Variants in CELSR1 observed in about 807,000 individuals in gnomAD.
The protein encoded by CELSR1 is cadherin EGF LAG seven-pass G-type receptor 1, also known as adhesion G protein-coupled receptor C1.
CELSR1 carries 110 observed loss-of-function variants against 249.1 expected under a neutral mutation model. That is an observed-to-expected ratio of 0.44 (90% CI 0.38 to 0.52). The LOEUF is 0.52. Among genes scored for constraint, CELSR1 ranks in the 20% least tolerant of loss-of-function variants. The pLI is 0.00. For synonymous variants in CELSR1, 2,113 were observed against 1,900.0 expected, an observed-to-expected ratio of 1.11 and a Z score of -2.92; for missense variants, 4,109 against 4,296.4, an observed-to-expected ratio of 0.96 and a Z score of 1.22.
Position 46,391,558 on chromosome 22 carries a change from T to G in CELSR1, c.6148+75A>C. On this transcript the variant is annotated intron_variant, in intron 15 of 34. Transcript: ENST00000674500. The surrounding 1 kb of genome is among the most constrained non-coding windows in gnomAD (Gnocchi z 4.3). The stretch of plus-strand genomic sequence containing the variant: ...GGGTCCCCCAAACACCCAGCGTGCA[T>G]GCACACACGTGCACGCCAGTGCAGC... 1.4e-6 allele frequency: 2 copies of G among 1,448,512 alleles called. No individual in the cohort carries two copies. The highest frequency in any genetic ancestry group is 1.4e-5 in the South Asian group (1 of 70,458). The allele number at this position is 1,448,512 out of a possible 1,614,324, so 89.7% of individuals were successfully genotyped here. A position where few individuals can be genotyped will look rare whatever the true frequency, so the allele number is the denominator to read the frequency against.
rs762168408 is a variant in CELSR1, at chr22:46,378,616, A to G, written c.7358T>C (p.Val2453Ala). 6.3e-7 allele frequency: 1 copy of G among 1,590,618 alleles called. No individual in the cohort carries two copies. Among genetic ancestry groups the G allele is most frequent in the Non-Finnish European group, 8.6e-7 (1 of 1,169,500 alleles). ...CTCACGCCTGGAGATATCCATGAGC[A>G]CCGCAAAGCTGGCTGTGTGGCTGCA... ...CQCSHTASFA[V>A]LMDISRRENG... The change falls in exon 23 of 35, where the codon GTG becomes GCG. Residue 2453 changes from valine (V) to alanine (A), a missense_variant. Around this residue, in one of 7 missense-constraint regions of CELSR1, gnomAD observed 1,805 missense variants for 1,831.6 expected, o/e 0.99. Coordinates refer to ENST00000674500, the MANE Select transcript of CELSR1 (RefSeq NM_001378328.1).
At chr22:46,378,170 C>T (rs759127007) in intron 23 of CELSR1, among the ~76,000 whole-genome samples, 1 of 152,206 alleles carries the variant, frequency 6.6e-6, no homozygotes, top group African/African-American at 2.4e-5. Flanking sequence ...CGTGTGGCCC[C>T]GAGGGAGAGC....
In CELSR1 at chr22:46,534,213, C is replaced by G. The variant is rs1462322990; in HGVS notation, c.2958G>C (p.Gln986His). Reference protein sequence around the residue: ...PTPLSASVEIQVTILDINDNA... With the variant: ...PTPLSASVEIHVTILDINDNA... ...TGTCATTAATGTCCAAGATGGTCACCTGGATTTCTACCGAGGCGCTAAGGG... is the reference window on the plus strand; with the variant it reads ...TGTCATTAATGTCCAAGATGGTCACGTGGATTTCTACCGAGGCGCTAAGGG... Residue 986 changes from glutamine to histidine, a missense_variant, in exon 1 of 35, where the codon CAG becomes CAC. By Grantham distance (24) the Gln-to-His change is conservative. This residue lies in a region of CELSR1 where 886 missense variants were observed against 896.5 expected (regional missense o/e 0.99). Coordinates refer to ENST00000674500, the MANE Select transcript of CELSR1 (RefSeq NM_001378328.1). This position sits in a 1 kb window ranked among gnomAD's most constrained non-coding sequence, Gnocchi z 9.7. 1.2e-6 allele frequency: 2 copies of G among 1,613,718 alleles called. No individual in the cohort carries two copies. Among genetic ancestry groups the G allele is most frequent in the African/African-American group, 2.7e-5 (2 of 74,932 alleles).
At chr22:46,419,451 G>A (rs1225393695) in intron 5 of CELSR1, among the ~76,000 whole-genome samples, 1 of 152,158 alleles carries the variant, frequency 6.6e-6, no homozygotes, top group Non-Finnish European at 1.5e-5. Context: ...CCCAGCTAGA[G>A]AAATCCTGAC....
chr22:46,520,003 G>T (rs1249433140), intron 1 of CELSR1, among the ~76,000 whole-genome samples: 2 of 151,922 alleles, frequency 1.3e-5, no homozygotes, highest in Non-Finnish European at 2.9e-5. Flanking sequence ...ACCCGAGTAG[G>T]TGGGATTACA....
intron 19 of CELSR1, among the ~76,000 whole-genome samples, chr22:46,385,867 C>A (rs9615357): frequency 6.6e-6 from 1 of 151,078 alleles, no homozygotes; most frequent in East Asian, 1.9e-4. Context: ...TTAGTAGAGA[C>A]GGGGTTTCAC....
At chr22:46,499,339 C>T (rs971799982) in intron 1 of CELSR1, among the ~76,000 whole-genome samples, 21 of 152,060 alleles carry the variant, frequency 1.4e-4, no homozygotes, top group African/African-American at 4.3e-4. Context: ...ACATCTGAAA[C>T]GAAGCTTCCT....
rs1295340971 is a variant in CELSR1 at position 46,380,828 on chromosome 22, G to A, written c.7216C>T (p.Arg2406Ter). ...VEFALLEVEERTKPVCVFWNH... is the reference protein window; with the variant it reads ...VEFALLEVEE The stretch of plus-strand genomic sequence containing the variant: ...CAGAACACGCAGACAGGCTTGGTTC[G>A]CTCCTCCACCTCCAGCAGGGCGAAC... Residue 2406 changes from arginine (R) to a stop codon, truncating the protein, a stop_gained, in exon 22 of 35, where the codon CGA (arginine) becomes TGA (stop). Transcript: ENST00000674500. LOFTEE classifies it high-confidence loss of function. This position sits in a 1 kb window ranked among gnomAD's most constrained non-coding sequence, Gnocchi z 5.1. 1 of 1,611,414 alleles carries A rather than the reference G, an allele frequency of 6.2e-7. No individual in the cohort carries two copies. Among genetic ancestry groups the A allele is most frequent in the Non-Finnish European group, 8.5e-7 (1 of 1,179,794 alleles).
chr22:46,535,396 G>C lies in CELSR1; in HGVS notation c.1775C>G (p.Ala592Gly), dbSNP rs753631261. The C allele has an allele frequency of 5.6e-6, 9 of 1,610,000 alleles. No individual in the cohort carries two copies. The highest frequency in any genetic ancestry group is 6.8e-6 in the Non-Finnish European group (8 of 1,178,576). ...CAGCCGGGCGTTCTCTCCAGAGTCC[G>C]CGTCCACCGCCTGAATGTGCACCAC... ...YPVVHIQAVD[A>G]DSGENARLHY... Residue 592 changes from alanine to glycine, a missense_variant, in exon 1 of 35, where the codon GCG becomes GGG. By Grantham distance (60) the Ala-to-Gly change is moderately conservative. Transcript: ENST00000674500.
chr22:46,479,357 GT>G (rs1407089866), intron 1 of CELSR1, among the ~76,000 whole-genome samples: 3 of 152,062 alleles, frequency 2.0e-5, no homozygotes, highest in Admixed American at 2.0e-4. Context: ...AGGCCCTCCT[GT>G]GCAGAAAGGC....
At chr22:46,509,933 C>T (rs897282066) in intron 1 of CELSR1, among the ~76,000 whole-genome samples, 18 of 152,342 alleles carry the variant, frequency 1.2e-4, no homozygotes, top group Admixed American at 3.9e-4. Context: ...CCCCGCTGCC[C>T]GGCTCCACTC....
intron 18 of CELSR1, among the ~76,000 whole-genome samples, chr22:46,387,764 T>C (rs1602061206): frequency 6.6e-6 from 1 of 151,788 alleles, no homozygotes; most frequent in Non-Finnish European, 1.5e-5. Context: ...TCTGGCAGAG[T>C]GAGCCCTGCC....
Position 46,436,097 on chromosome 22 carries a change from A to T in CELSR1, c.4522+77T>A. 3 of 1,130,524 alleles carry T rather than the reference A, an allele frequency of 2.7e-6. No homozygotes were observed. The highest frequency in any genetic ancestry group is 2.6e-5 in the South Asian group (2 of 76,460). 70.0% of individuals were successfully genotyped at this position (1,130,524 alleles called of 1,614,324 possible). ...AGGGTAAGCAGCTTGGAGGCGCTGCACAGGGCGAGGGTCGTTTTAACCCAC... is the reference window on the plus strand; with the variant it reads ...AGGGTAAGCAGCTTGGAGGCGCTGCTCAGGGCGAGGGTCGTTTTAACCCAC... On this transcript the variant is annotated intron_variant, in intron 4 of 34. Coordinates refer to ENST00000674500, the MANE Select transcript of CELSR1 (RefSeq NM_001378328.1). This position sits in a 1 kb window ranked among gnomAD's most constrained non-coding sequence, Gnocchi z 5.9.
intron 1 of CELSR1, among the ~76,000 whole-genome samples, chr22:46,522,274 T>C (rs762963090): frequency 3.3e-5 from 5 of 152,198 alleles, no homozygotes; most frequent in Non-Finnish European, 5.9e-5. Flanking sequence ...TACAGGTTCA[T>C]GCTACCACAC....
At chr22:46,378,062 A>G (rs1357540909) in intron 23 of CELSR1, among the ~76,000 whole-genome samples, 1 of 30,932 alleles carries the variant, frequency 3.2e-5, no homozygotes, top group East Asian at 9.2e-4. Context: ...CCATTCCCCA[A>G]TTCATCTGCA....
Position 46,413,997 on chromosome 22 carries a change from C to T in CELSR1, c.4612-2238G>A, listed in dbSNP as rs2079367672. ...CATTAAGCTACTGTTTACAAAACTGCAGTTGCTGTAAACTGCTGCTGGTAA... is the reference window on the plus strand; with the variant it reads ...CATTAAGCTACTGTTTACAAAACTGTAGTTGCTGTAAACTGCTGCTGGTAA... On this transcript the variant is annotated intron_variant, in intron 5 of 34. Coordinates refer to ENST00000674500, the MANE Select transcript of CELSR1 (RefSeq NM_001378328.1). The surrounding 1 kb of genome is among the most constrained non-coding windows in gnomAD (Gnocchi z 4.7). Among the ~76,000 whole-genome samples the T allele has an allele frequency of 6.6e-6, 1 of 152,204 alleles. No homozygotes were observed. The highest frequency in any genetic ancestry group is 1.5e-5 in the Non-Finnish European group (1 of 68,038).
intron 1 of CELSR1, among the ~76,000 whole-genome samples, chr22:46,521,908 T>C (rs759733479): frequency 2.0e-5 from 3 of 152,204 alleles, no homozygotes; most frequent in Non-Finnish European, 4.4e-5. Flanking sequence ...ATTTTTCATA[T>C]TTTGCGGAAC....
intron 22 of CELSR1, among the ~76,000 whole-genome samples, chr22:46,379,049 A>G (rs1023019531): frequency 6.6e-6 from 1 of 152,228 alleles, no homozygotes; most frequent in East Asian, 1.9e-4. Flanking sequence ...TCTACGTGCC[A>G]TCTAGCAGCA....
chr22:46,461,214 C>T (rs186056491), intron 2 of CELSR1, among the ~76,000 whole-genome samples: 16 of 152,340 alleles, frequency 1.1e-4, no homozygotes, highest in Admixed American at 9.8e-4. Context: ...TTAGCCTTAT[C>T]TCCGAGGGAA....
Sources: gnomAD v4.1 joint callset for allele counts (sites outside exome capture counted in the v4.1 genomes callset) on GRCh38, gnomAD v4.1.1 for gene constraint, gnomAD v4.1.1 regional missense constraint, Gnocchi (gnomAD v3.1) non-coding constraint, MANE v1.5 for transcripts, NCBI Gene and HGNC (gene_info 2026-07-23, HGNC 2026-07-21) for gene names.